ALPK1: variants seen among roughly 807,000 people sequenced by gnomAD.
ALPK1 encodes the protein alpha kinase 1, also known as alpha-protein kinase 1.
In ALPK1, 110 loss-of-function variants were observed where a neutral mutation model predicts 120.6. The ratio of observed to expected loss-of-function variants is 0.91; its 90% confidence interval spans 0.78 to 1.07. The LOEUF (loss-of-function observed/expected upper bound fraction) is 1.07. Ranked by LOEUF, ALPK1 falls within the 50% of genes least tolerant of loss-of-function variation. The pLI is 0.00. For synonymous variants in ALPK1, 582 were observed against 560.3 expected (o/e 1.04, Z -0.55); for missense variants, 1,498 against 1,483.9 (o/e 1.01, Z -0.16).
intron 2 of ALPK1, among the ~76,000 whole-genome samples, chr4:112,333,744 A>G: frequency 6.6e-6 from 1 of 152,196 alleles, no homozygotes; most frequent in East Asian, 1.9e-4. Flanking sequence ...GTTGACATAA[A>G]TTAGAAAAAA....
At chr4:112,351,463 A>G (rs1730350408) in intron 2 of ALPK1, among the ~76,000 whole-genome samples, 1 of 150,374 alleles carries the variant, frequency 6.7e-6, no homozygotes, top group Admixed American at 6.7e-5. Context: ...TAAAAAAAAA[A>G]TCAGACACTT....
At chr4:112,356,768 AACCTGAAGC>A in intron 2 of ALPK1, 1 of 759,054 alleles carries the variant, frequency 1.3e-6, no homozygotes, top group Non-Finnish European at 2.4e-6. Flanking sequence ...CCTGTCCCGG[AACCTGAAGC>A]AGCAAGCCGA....
intron 1 of ALPK1, among the ~76,000 whole-genome samples, chr4:112,303,683 G>T (rs1274463743): frequency 2.0e-5 from 3 of 150,876 alleles, no homozygotes; most frequent in Non-Finnish European, 4.4e-5. Flanking sequence ...TAGCCTTCTT[G>T]ATCTCCCAGC....
intron 3 of ALPK1, among the ~76,000 whole-genome samples, chr4:112,382,016 A>G (rs1276303501): frequency 6.6e-6 from 1 of 152,244 alleles, no homozygotes; most frequent in East Asian, 1.9e-4. Context: ...TCCACCTGCC[A>G]CAAGCCCAGA....
At chr4:112,382,909 TA>T (rs1213763744) in intron 4 of ALPK1, 1 of 253,516 alleles carries the variant, frequency 3.9e-6, no homozygotes, top group Non-Finnish European at 7.8e-6. Flanking sequence ...TTAGGTAGCT[TA>T]AAAAAGTAAA....
At chr4:112,351,929 C>T (rs568745775) in intron 2 of ALPK1, among the ~76,000 whole-genome samples, 1 of 152,276 alleles carries the variant, frequency 6.6e-6, no homozygotes, top group Non-Finnish European at 1.5e-5. Flanking sequence ...ATGAGGATCT[C>T]CTCCTCACAG....
intron 2 of ALPK1, among the ~76,000 whole-genome samples, chr4:112,321,058 G>A (rs952071404): frequency 2.0e-5 from 3 of 151,568 alleles, no homozygotes; most frequent in African/African-American, 7.3e-5. Context: ...CACCACGCCC[G>A]GCTAATTTTT....
intron 5 of ALPK1, among the ~76,000 whole-genome samples, chr4:112,420,857 G>T (rs1380316891): frequency 6.6e-6 from 1 of 152,166 alleles, no homozygotes; most frequent in Admixed American, 6.5e-5. Flanking sequence ...GAGAGAGAGA[G>T]AGAGAGACTC....
chr4:112,340,077 T>C (rs1311795583), intron 2 of ALPK1, among the ~76,000 whole-genome samples: 1 of 152,214 alleles, frequency 6.6e-6, no homozygotes, highest in Admixed American at 6.5e-5. Flanking sequence ...CAGAAAGCAG[T>C]GGTTTATGAG....
At position 112,440,971 on chromosome 4, in the gene ALPK1, A is replaced by G; in HGVS notation, c.3593A>G (p.His1198Arg). The change falls in exon 15 of 16, where the codon CAC (histidine) becomes CGC (arginine). Residue 1198 changes from histidine to arginine, a missense_variant. His to Arg is a conservative substitution (Grantham distance 29, BLOSUM62 0). Transcript: ENST00000650871. ...GLIYLTDPQI[H>R]SVDQKVFTTN... ...ATCTACCTCACAGATCCCCAGATTC[A>G]CTCCGTTGATCAGAAAGTTTTCACT... is the stretch of plus-strand genomic sequence containing the variant. 1.2e-6 allele frequency: 2 copies of G among 1,613,808 alleles called. No individual in the cohort carries two copies. Among genetic ancestry groups the G allele is most frequent in the Non-Finnish European group, 1.7e-6 (2 of 1,179,876 alleles).
At chr4:112,305,002 A>G (rs1727968937) in intron 1 of ALPK1, among the ~76,000 whole-genome samples, 1 of 152,170 alleles carries the variant, frequency 6.6e-6, no homozygotes, top group Non-Finnish European at 1.5e-5. Flanking sequence ...TTTATTAAAT[A>G]GGGACTCCTT....
rs904675637 is a variant in ALPK1, at chr4:112,439,536, G to T, written c.3352-150G>T. On this transcript the variant is annotated intron_variant, in intron 13 of 15. Coordinates refer to ENST00000650871, the MANE Select transcript of ALPK1 (RefSeq NM_025144.4). The stretch of plus-strand genomic sequence containing the variant: ...ATAATCCCTTTAACAAGCCTAAAAG[G>T]TAGTTATAATTATACCTACTTTACC... 5.2e-6 allele frequency: 3 copies of T among 575,040 alleles called. No individual in the cohort carries two copies. In the African/African-American group the frequency reaches 5.7e-5, roughly 11 times the overall value. The allele number at this position is 575,040 out of a possible 1,614,324, so 35.6% of individuals were successfully genotyped here.
At chr4:112,420,990 G>T (rs1246450933) in intron 5 of ALPK1, among the ~76,000 whole-genome samples, 4 of 152,032 alleles carry the variant, frequency 2.6e-5, no homozygotes, top group Non-Finnish European at 4.4e-5. Flanking sequence ...ACGCCACCAT[G>T]CCTGGCTACT....
intron 2 of ALPK1, among the ~76,000 whole-genome samples, chr4:112,327,654 A>G (rs1195594336): frequency 6.6e-6 from 1 of 152,122 alleles, no homozygotes; most frequent in Non-Finnish European, 1.5e-5. Context: ...AATGTTGTCT[A>G]GGCTGGTCTC....
intron 2 of ALPK1, among the ~76,000 whole-genome samples, chr4:112,349,062 T>G (rs1353251565): frequency 6.6e-6 from 1 of 152,138 alleles, no homozygotes; most frequent in Non-Finnish European, 1.5e-5. Context: ...TTTGTTTTTT[T>G]TTTGTCTTGT....
intron 2 of ALPK1, among the ~76,000 whole-genome samples, chr4:112,350,606 T>C (rs1316155263): frequency 1.3e-5 from 2 of 152,096 alleles, no homozygotes; most frequent in Non-Finnish European, 2.9e-5. Flanking sequence ...TCTTGCTGAG[T>C]TTTTCTCCAG....
At chr4:112,346,927 C>T (rs190908034) in intron 2 of ALPK1, among the ~76,000 whole-genome samples, 1 of 152,336 alleles carries the variant, frequency 6.6e-6, no homozygotes, top group African/African-American at 2.4e-5. Flanking sequence ...ACACTGGGGC[C>T]TCCTGGGAGG....
At chr4:112,308,896 T>A (rs1437301770) in intron 1 of ALPK1, among the ~76,000 whole-genome samples, 1 of 152,138 alleles carries the variant, frequency 6.6e-6, no homozygotes, top group Non-Finnish European at 1.5e-5. Flanking sequence ...CCTTTGGTCT[T>A]TGATGATGGT....
chr4:112,304,255 G>T (rs1481706168), intron 1 of ALPK1, among the ~76,000 whole-genome samples: 1 of 152,066 alleles, frequency 6.6e-6, no homozygotes, highest in Non-Finnish European at 1.5e-5. Context: ...AATCCTTTGG[G>T]TATATACCCA....
Sources: gnomAD v4.1 joint callset for allele counts (sites outside exome capture counted in the v4.1 genomes callset) on GRCh38, gnomAD v4.1.1 for gene constraint, MANE v1.5 for transcripts, NCBI Gene and HGNC (gene_info 2026-07-23, HGNC 2026-07-21) for gene names.